PLPPR1: variants seen among roughly 807,000 people sequenced by gnomAD.
The protein encoded by PLPPR1 is phospholipid phosphatase related 1, also known as phospholipid phosphatase-related protein type 1.
Under a neutral mutation model 33.1 loss-of-function variants are expected in PLPPR1, and 10 were observed. The observed-to-expected ratio is 0.30, with a 90% CI of 0.19 to 0.51. The LOEUF (loss-of-function observed/expected upper bound fraction) is 0.51. Among genes scored for constraint, PLPPR1 ranks in the 20% least tolerant of loss-of-function variants. The pLI, the probability that PLPPR1 is intolerant of heterozygous loss-of-function variation, is 0.97. For missense variants in PLPPR1, 304 were observed against 408.1 expected, an observed-to-expected ratio of 0.74 and a Z score of 2.20; for synonymous variants, 151 against 151.0, an observed-to-expected ratio of 1.00 and a Z score of 0.00.
chr9:101,229,608 G>A (rs1827142056), intron 2 of PLPPR1, among the ~76,000 whole-genome samples: 1 of 152,004 alleles, frequency 6.6e-6, no homozygotes, highest in African/African-American at 2.4e-5. Context: ...TAATAAAAAA[G>A]GGCATTTAAA....
rs1319550383 is a variant in PLPPR1 at position 101,068,929 on chromosome 9, A to T, written c.-46+39827A>T. ...GAAAGACTGCTTAGAATTACTGTCC[A>T]TTATCCAGGGCAAATGTTTTACAAA... On this transcript the variant is annotated intron_variant, in intron 1 of 7. Coordinates refer to ENST00000374874, the MANE Select transcript of PLPPR1 (RefSeq NM_207299.2). Among the ~76,000 whole-genome samples, 13 of 152,134 alleles carry T rather than the reference A, an allele frequency of 8.5e-5. No individual in the cohort carries two copies. The East Asian group carries it at 2.5e-3, about 29-fold the overall frequency.
At chr9:101,191,527 A>G (rs1387851283) in intron 2 of PLPPR1, among the ~76,000 whole-genome samples, 2 of 151,070 alleles carry the variant, frequency 1.3e-5, no homozygotes, top group Admixed American at 1.3e-4. Flanking sequence ...AAAACTTCTC[A>G]TGCTTGAGAC....
At chr9:101,109,615 T>C (rs1308180046) in intron 1 of PLPPR1, among the ~76,000 whole-genome samples, 1 of 152,210 alleles carries the variant, frequency 6.6e-6, no homozygotes, top group Non-Finnish European at 1.5e-5. Flanking sequence ...TAGTATGTTT[T>C]TCAAAAGGTA....
At position 101,176,197 on chromosome 9, in the gene PLPPR1, G is replaced by GA. The variant is rs201159073; in HGVS notation, c.-45-9247dup. On this transcript the variant is annotated intron_variant, in intron 1 of 7. Transcript: ENST00000374874. ...CTCTTGACCCTAGTCAAACACCACAGAAAAAACTGAGGCCCCACCTCCACC... is the reference window on the plus strand; with the variant it reads ...CTCTTGACCCTAGTCAAACACCACAGAAAAAAACTGAGGCCCCACCTCCACC... Among the ~76,000 whole-genome samples, 655 of 152,228 alleles carry GA rather than the reference G, an allele frequency of 4.3e-3. 11 individuals are homozygous for GA. The highest frequency in any genetic ancestry group is 0.026 in the East Asian group (132 of 5,168).
At chr9:101,181,445 C>T (rs946467136) in intron 1 of PLPPR1, among the ~76,000 whole-genome samples, 1 of 150,608 alleles carries the variant, frequency 6.6e-6, no homozygotes, top group African/African-American at 2.4e-5. Flanking sequence ...TCATATTATC[C>T]AGTAATCCCA....
chr9:101,286,496 G>A (rs1828397833), intron 4 of PLPPR1, among the ~76,000 whole-genome samples: 1 of 152,094 alleles, frequency 6.6e-6, no homozygotes, highest in African/African-American at 2.4e-5. Context: ...AATATTGGCT[G>A]GATATTGCTA....
chr9:101,303,793 G>A (rs917161821), intron 4 of PLPPR1, among the ~76,000 whole-genome samples: 2 of 152,078 alleles, frequency 1.3e-5, no homozygotes, highest in Non-Finnish European at 2.9e-5. Context: ...AGTTCCATGT[G>A]TTAGTTTCCC....
chr9:101,117,889 G>A (rs950111622), intron 1 of PLPPR1, among the ~76,000 whole-genome samples: 1 of 152,176 alleles, frequency 6.6e-6, no homozygotes, highest in Non-Finnish European at 1.5e-5. Context: ...AATCACCATA[G>A]TTTTGTCTGA....
rs141125540 is a variant in PLPPR1 at position 101,233,607 on chromosome 9, T to C, written c.64-36273T>C. 5.3e-3 allele frequency among the ~76,000 whole-genome samples: 808 copies of C among 152,074 alleles called. 1 individual carries two copies. The highest frequency in any genetic ancestry group is 6.9e-3 in the Non-Finnish European group (467 of 67,926). On this transcript the variant is annotated intron_variant, in intron 2 of 7. Coordinates refer to ENST00000374874, the MANE Select transcript of PLPPR1 (RefSeq NM_207299.2). ...CTTCATGGGTGGGATTGGTGCATTA[T>C]ATAAAGACAAACTTGGCCCTCTCTT...
At chr9:101,189,626 A>G (rs1826261247) in intron 2 of PLPPR1, among the ~76,000 whole-genome samples, 2 of 152,112 alleles carry the variant, frequency 1.3e-5, no homozygotes, top group Admixed American at 1.3e-4. Context: ...TGTATCCTGA[A>G]TATTAAGTCA....
intron 2 of PLPPR1, among the ~76,000 whole-genome samples, chr9:101,256,796 G>T (rs1827811499): frequency 6.6e-6 from 1 of 152,022 alleles, no homozygotes; most frequent in Non-Finnish European, 1.5e-5. Flanking sequence ...CCACAATTGA[G>T]GTCAATGGTT....
intron 1 of PLPPR1, among the ~76,000 whole-genome samples, chr9:101,054,082 G>C (rs1318902869): frequency 6.6e-6 from 1 of 152,086 alleles, no homozygotes; most frequent in African/African-American, 2.4e-5. Context: ...TACTCAGGAG[G>C]CTGAGTCAGG....
intron 1 of PLPPR1, among the ~76,000 whole-genome samples, chr9:101,029,996 T>A (rs1829923920): frequency 6.7e-6 from 1 of 149,678 alleles, no homozygotes. Context: ...GGATGTCGGG[T>A]TTTTTTCCTT....
intron 2 of PLPPR1, among the ~76,000 whole-genome samples, chr9:101,269,406 T>C (rs1828054747): frequency 6.6e-6 from 1 of 152,200 alleles, no homozygotes. Flanking sequence ...CATTTGTCCA[T>C]TCCTTCGTTT....
At chr9:101,263,500 T>C (rs976117142) in intron 2 of PLPPR1, among the ~76,000 whole-genome samples, 4 of 152,230 alleles carry the variant, frequency 2.6e-5, no homozygotes, top group Non-Finnish European at 5.9e-5. Flanking sequence ...AAAATAGGAA[T>C]ACATAAACAC....
intron 1 of PLPPR1, among the ~76,000 whole-genome samples, chr9:101,086,661 G>A (rs973301707): frequency 1.3e-5 from 2 of 152,178 alleles, no homozygotes; most frequent in African/African-American, 2.4e-5. Flanking sequence ...AGAGGTTTCA[G>A]TCACAGAGTA....
chr9:101,124,946 C>A (rs1399417639), intron 1 of PLPPR1, among the ~76,000 whole-genome samples: 1 of 152,216 alleles, frequency 6.6e-6, no homozygotes, highest in African/African-American at 2.4e-5. Context: ...AGTTAAAGGA[C>A]CAAAAGGTCC....
chr9:101,200,330 C>G (rs1826469879), intron 2 of PLPPR1, among the ~76,000 whole-genome samples: 1 of 152,102 alleles, frequency 6.6e-6, no homozygotes, highest in African/African-American at 2.4e-5. Flanking sequence ...CTCCCTTTCC[C>G]ATCCTATCCC....
At chr9:101,079,482 C>A (rs1427170343) in intron 1 of PLPPR1, among the ~76,000 whole-genome samples, 1 of 151,958 alleles carries the variant, frequency 6.6e-6, no homozygotes, top group African/African-American at 2.4e-5. Context: ...TATCCTCATG[C>A]TAAATAATAA....
Sources: gnomAD v4.1 joint callset for allele counts (sites outside exome capture counted in the v4.1 genomes callset) on GRCh38, gnomAD v4.1.1 for gene constraint, MANE v1.5 for transcripts, NCBI Gene and HGNC (gene_info 2026-07-23, HGNC 2026-07-21) for gene names.